SH3BGRL2: variants seen among roughly 807,000 people sequenced by gnomAD.
The protein encoded by SH3BGRL2 is SH3 domain binding glutamate rich protein like 2, also known as SH3 domain-binding glutamic acid-rich-like protein 2.
In SH3BGRL2, 21 loss-of-function variants were observed where a neutral mutation model predicts 14.8. The observed-to-expected ratio is 1.42, with a 90% confidence interval of 1.01 to 2.05. The LOEUF is 2.05. SH3BGRL2 is among the 30% of genes most tolerant of loss of function. The pLI, the probability that SH3BGRL2 is intolerant of heterozygous loss-of-function variation, is 0.00. For synonymous variants in SH3BGRL2, 50 were observed against 47.8 expected, an observed-to-expected ratio of 1.05 and a Z score of -0.19; for missense variants, 147 against 130.8, an observed-to-expected ratio of 1.12 and a Z score of -0.61.
chr6:79,633,867 C>G (rs1209731266), intron 1 of SH3BGRL2, among the ~76,000 whole-genome samples: 2 of 152,164 alleles, frequency 1.3e-5, no homozygotes, highest in African/African-American at 4.8e-5. Flanking sequence ...TAGGTCAATT[C>G]TTGGGCTGGC....
the SH3BGRL2 span, among the ~76,000 whole-genome samples, chr6:79,542,898 A>G: frequency 6.6e-6 from 1 of 152,208 alleles, no homozygotes; most frequent in Non-Finnish European, 1.5e-5. Flanking sequence ...AAAGAAAAAA[A>G]TCCTCCACAA....
chr6:79,569,136 T>C, the SH3BGRL2 span, among the ~76,000 whole-genome samples: 3 of 152,184 alleles, frequency 2.0e-5, no homozygotes, highest in Non-Finnish European at 4.4e-5. Flanking sequence ...ATTGGTTCTG[T>C]CCAGAAAGGT....
the SH3BGRL2 span, among the ~76,000 whole-genome samples, chr6:79,585,053 T>TAA: frequency 1.5e-5 from 2 of 137,118 alleles, no homozygotes; most frequent in Non-Finnish European, 3.2e-5. Flanking sequence ...CCTTTTTTTT[T>TAA]TAAAAAAAAA....
the SH3BGRL2 span, among the ~76,000 whole-genome samples, chr6:79,542,117 C>T: frequency 6.6e-6 from 1 of 152,162 alleles, no homozygotes; most frequent in Admixed American, 6.5e-5. Flanking sequence ...AACAGTCTAT[C>T]CCTCTTCTCT....
At chr6:79,681,363 T>C (rs1362711490) in intron 2 of SH3BGRL2, among the ~76,000 whole-genome samples, 1 of 152,208 alleles carries the variant, frequency 6.6e-6, no homozygotes, top group African/African-American at 2.4e-5. Flanking sequence ...TGATTTAGCA[T>C]TGGACGAGTT....
the SH3BGRL2 span, among the ~76,000 whole-genome samples, chr6:79,611,419 T>A: frequency 1.3e-5 from 2 of 150,248 alleles, no homozygotes; most frequent in Non-Finnish European, 3.0e-5. Flanking sequence ...TTTTTTTTTT[T>A]TTTTTGAGAC....
At chr6:79,682,226 G>A (rs1770001997) in intron 2 of SH3BGRL2, among the ~76,000 whole-genome samples, 1 of 152,130 alleles carries the variant, frequency 6.6e-6, no homozygotes, top group Admixed American at 6.5e-5. Flanking sequence ...TGGGAAAAAG[G>A]GGGAACAGTC....
chr6:79,573,770 T>A, the SH3BGRL2 span: 1 of 152,226 alleles, frequency 6.6e-6, no homozygotes, highest in African/African-American at 2.4e-5. Flanking sequence ...CTATTGCTGA[T>A]GTAGAGGAAT....
rs185328122 is a variant in SH3BGRL2 at position 79,636,503 on chromosome 6, G to A, written c.45+4997G>A. 1.7e-3 allele frequency among the ~76,000 whole-genome samples: 252 copies of A among 152,212 alleles called. 2 individuals carry two copies. Among genetic ancestry groups the A allele is most frequent in the Admixed American group, 3.7e-3 (57 of 15,296 alleles). On this transcript the variant is annotated intron_variant, in intron 1 of 3. Transcript: ENST00000369838. ...GGAGTAAGTTGGGGGCCCAAGGAGA[G>A]GATGTGGTGGTGATGGAAGGTAAGA...
the SH3BGRL2 span, among the ~76,000 whole-genome samples, chr6:79,579,332 C>T: frequency 1.3e-5 from 2 of 152,024 alleles, no homozygotes; most frequent in East Asian, 3.9e-4. Flanking sequence ...AGAGCAACTC[C>T]AAGACGCATA....
chr6:79,699,437 T>C, intron 3 of SH3BGRL2, 61 bp from the exon 4 acceptor site: 1 of 1,518,274 alleles, frequency 6.6e-7, no homozygotes, highest in Non-Finnish European at 8.8e-7. Flanking sequence ...GGGTGAATTT[T>C]CTTGTCGATG....
At chr6:79,616,247 G>A in the SH3BGRL2 span, among the ~76,000 whole-genome samples, 1 of 152,198 alleles carries the variant, frequency 6.6e-6, no homozygotes. Context: ...GAGTGGCACA[G>A]CATGCTCACA....
At chr6:79,634,879 GGC>G (rs1298127593) in intron 1 of SH3BGRL2, among the ~76,000 whole-genome samples, 1 of 152,172 alleles carries the variant, frequency 6.6e-6, no homozygotes, top group Admixed American at 6.5e-5. Context: ...GACAGCCTTA[GGC>G]AGATGGCAGG....
chr6:79,554,053 A>G, the SH3BGRL2 span, among the ~76,000 whole-genome samples: 1 of 152,084 alleles, frequency 6.6e-6, no homozygotes, highest in East Asian at 1.9e-4. Context: ...AAGAAATACT[A>G]CAGTATTATT....
At chr6:79,594,873 AC>A in the SH3BGRL2 span, among the ~76,000 whole-genome samples, 3 of 152,238 alleles carry the variant, frequency 2.0e-5, no homozygotes, top group Admixed American at 2.0e-4. Flanking sequence ...GCAAAACTTT[AC>A]AAGACAATTT....
chr6:79,631,834 C>T lies in SH3BGRL2; in HGVS notation c.45+328C>T, dbSNP rs561865042. ...GGGTTGTTCAAGAGCTTCGGGGATC[C>T]CCCTTCCCCTAGTTTAGTTCTTCCC... On this transcript the variant is annotated intron_variant, in intron 1 of 3. Transcript: ENST00000369838. 7.9e-5 allele frequency among the ~76,000 whole-genome samples: 12 copies of T among 152,254 alleles called. No homozygotes were observed. The South Asian group carries it at 2.5e-3, about 32-fold the overall frequency.
chr6:79,539,946 A>G, the SH3BGRL2 span, among the ~76,000 whole-genome samples: 5 of 152,278 alleles, frequency 3.3e-5, no homozygotes, highest in African/African-American at 1.2e-4. Flanking sequence ...TATAATTTAC[A>G]GAAATGTGAT....
chr6:79,657,236 C>A lies in SH3BGRL2; in HGVS notation c.46-16378C>A, dbSNP rs149958404. On this transcript the variant is annotated intron_variant, in intron 1 of 3. Coordinates refer to ENST00000369838, the MANE Select transcript of SH3BGRL2 (RefSeq NM_031469.4). ...CAGTGATATACGCTTAAGAAGAACA[C>A]TCTTGTCTGCTTTTAGATGGGAGAG... Among the ~76,000 whole-genome samples the A allele has an allele frequency of 8.1e-3, 1,218 of 150,718 alleles. 12 individuals are homozygous for A. Among genetic ancestry groups the A allele is most frequent in the South Asian group, 0.029 (136 of 4,744 alleles).
At chr6:79,673,552 G>T in intron 1 of SH3BGRL2, 62 bp from the exon 2 acceptor site, 1 of 1,499,754 alleles carries the variant, frequency 6.7e-7, no homozygotes, top group Non-Finnish European at 9.1e-7. Flanking sequence ...GTTCAGTTTG[G>T]AAGTATATAC....
Sources: allele counts gnomAD v4.1 joint callset (sites outside exome capture counted in the v4.1 genomes callset), GRCh38; gene constraint gnomAD v4.1.1; transcripts MANE v1.5; gene names NCBI Gene and HGNC (gene_info 2026-07-23, HGNC 2026-07-21).